DLGAP4: variants seen among roughly 807,000 people sequenced by gnomAD.
DLGAP4 encodes disks large-associated protein 4.
A neutral mutation model predicts 86.9 loss-of-function variants in DLGAP4; 18 were observed. That is an observed-to-expected ratio of 0.21 (90% CI 0.14 to 0.31). DLGAP4 has a LOEUF of 0.31. Among genes scored for constraint, DLGAP4 ranks in the 10% least tolerant of loss-of-function variants. DLGAP4 has a pLI of 1.00. For missense variants in DLGAP4, 1,085 were observed against 1,362.6 expected, an observed-to-expected ratio of 0.80 and a Z score of 3.21; for synonymous variants, 548 against 574.3, an observed-to-expected ratio of 0.95 and a Z score of 0.65.
At chr20:36,417,464 C>T (rs370139088) in intron 2 of DLGAP4, among the ~76,000 whole-genome samples, 1 of 152,146 alleles carries the variant, frequency 6.6e-6, no homozygotes, top group Admixed American at 6.6e-5. Flanking sequence ...TCACTGAAGC[C>T]TCAACCTCCC....
At chr20:36,465,656 G>A (rs543310406) in intron 7 of DLGAP4, among the ~76,000 whole-genome samples, 5 of 152,226 alleles carry the variant, frequency 3.3e-5, no homozygotes, top group African/African-American at 7.2e-5. Flanking sequence ...ACCACCTCCC[G>A]TGGCTTTCTC....
At chr20:36,406,544 G>T (rs2032328428) in intron 2 of DLGAP4, among the ~76,000 whole-genome samples, 1 of 152,170 alleles carries the variant, frequency 6.6e-6, no homozygotes, top group Admixed American at 6.5e-5. Context: ...TGGTCACAGG[G>T]CTGGGAAGGG....
chr20:36,473,425 G>A (rs1473494775), intron 7 of DLGAP4, among the ~76,000 whole-genome samples: 2 of 152,122 alleles, frequency 1.3e-5, no homozygotes, highest in Non-Finnish European at 2.9e-5. Flanking sequence ...TTCTATCTCT[G>A]CTATTAAGTT....
At chr20:36,342,874 G>A (rs182440530) in intron 1 of DLGAP4, among the ~76,000 whole-genome samples, 2 of 152,206 alleles carry the variant, frequency 1.3e-5, no homozygotes, top group East Asian at 3.9e-4. Context: ...ATTTGTGCTA[G>A]GCCCTGAGGC....
At chr20:36,418,818 T>G (rs4494819) in intron 2 of DLGAP4, among the ~76,000 whole-genome samples, 106,145 of 152,104 alleles carry the variant, frequency 0.7, 37,322 homozygotes, top group Admixed American at 0.77. Context: ...CCTGCTATCT[T>G]GTTGACCAAA....
In DLGAP4 at chr20:36,527,255, A is replaced by C; in HGVS notation, c.*224A>C. The C allele has an allele frequency of 2.2e-6, 1 of 461,276 alleles. No individual in the cohort carries two copies. The highest frequency in any genetic ancestry group is 3.8e-5 in the Admixed American group (1 of 26,024). The allele number at this position is 461,276 out of a possible 1,614,324, so 28.6% of individuals were successfully genotyped here. On this transcript the variant is annotated 3_prime_UTR_variant, in exon 13 of 13. Transcript: ENST00000339266. The stretch of plus-strand genomic sequence containing the variant: ...ACAAAAAAAATCAACAAAAATCACG[A>C]AACTAGAAAACTTTTTTTTTCCTCT...
chr20:36,498,509 T>C (rs985069453), intron 8 of DLGAP4: 2 of 152,356 alleles, frequency 1.3e-5, no homozygotes, highest in African/African-American at 4.8e-5. Flanking sequence ...ATAAGGACTC[T>C]CTTAGGCCTG....
intron 2 of DLGAP4, among the ~76,000 whole-genome samples, chr20:36,406,593 G>A (rs1016005373): frequency 6.6e-6 from 1 of 152,002 alleles, no homozygotes; most frequent in Admixed American, 6.6e-5. Context: ...GGGGCTGGCC[G>A]GTCAGTTGTT....
At chr20:36,346,400 G>T (rs1035525918) in intron 1 of DLGAP4, among the ~76,000 whole-genome samples, 1 of 152,212 alleles carries the variant, frequency 6.6e-6, no homozygotes. Flanking sequence ...AAGATGCTAG[G>T]CCCAGAGAGG....
At chr20:36,508,983 A>C (rs1447745760) in intron 10 of DLGAP4, among the ~76,000 whole-genome samples, 1 of 152,262 alleles carries the variant, frequency 6.6e-6, no homozygotes, top group African/African-American at 2.4e-5. Context: ...CTTACTTGGT[A>C]AGTGAAAAAT....
At chr20:36,416,424 A>G (rs919904906) in intron 2 of DLGAP4, among the ~76,000 whole-genome samples, 1 of 152,164 alleles carries the variant, frequency 6.6e-6, no homozygotes, top group South Asian at 2.1e-4. Context: ...CCCGGCCTAA[A>G]CCATGACATT....
intron 7 of DLGAP4, among the ~76,000 whole-genome samples, chr20:36,454,574 T>A (rs11906292): frequency 0.015 from 2,300 of 152,244 alleles, 63 homozygotes; most frequent in African/African-American, 0.053. Context: ...GTCTCCCTAC[T>A]GGGTCACCCC....
chr20:36,500,340 C>G lies in DLGAP4; in HGVS notation c.2241C>G (p.Ala747=). Residue 747 remains alanine, a synonymous_variant, in exon 10 of 13, where the codon GCC becomes GCG. Transcript: ENST00000339266. This position sits in a 1 kb window ranked among gnomAD's most constrained non-coding sequence, Gnocchi z 4.6. ...ACCCCAACTCCATCAGCATCGATGC[C>G]GGTCCCCGGCAGGCCCCCAAGATTG... ...TPHPNSISID[A]GPRQAPKIAQ... is the part of the protein sequence containing the mutation. 6.2e-7 allele frequency: 1 copy of G among 1,613,646 alleles called. No individual in the cohort carries two copies. Among genetic ancestry groups the G allele is most frequent in the South Asian group, 1.1e-5 (1 of 90,974 alleles).
intron 7 of DLGAP4, among the ~76,000 whole-genome samples, chr20:36,474,181 T>C (rs1455236786): frequency 6.6e-6 from 1 of 152,164 alleles, no homozygotes; most frequent in African/African-American, 2.4e-5. Context: ...AGCCAAAAAC[T>C]GTCCATGTCC....
At chr20:36,378,780 C>T (rs1469852073) in intron 2 of DLGAP4, among the ~76,000 whole-genome samples, 2 of 151,948 alleles carry the variant, frequency 1.3e-5, no homozygotes, top group Admixed American at 6.6e-5. Context: ...GTGCAGGAGA[C>T]GCTTGAGTGT....
chr20:36,383,154 T>C lies in DLGAP4; in HGVS notation c.-73+15879T>C, dbSNP rs144952194. Among the ~76,000 whole-genome samples, 120 of 152,286 alleles carry C rather than the reference T, an allele frequency of 7.9e-4. 1 individual carries two copies. Among genetic ancestry groups the C allele is most frequent in the Non-Finnish European group, 1.4e-3 (92 of 68,024 alleles). ...GCTTTAGAAGCACAGAGTTGCTGGC[T>C]CCGCTGGGGTCTCCACTGAACTGAA... On this transcript the variant is annotated intron_variant, in intron 2 of 12. Coordinates refer to ENST00000339266, the MANE Select transcript of DLGAP4 (RefSeq NM_001365621.2).
At chr20:36,395,012 TC>T (rs1182550428) in intron 2 of DLGAP4, among the ~76,000 whole-genome samples, 2 of 151,924 alleles carry the variant, frequency 1.3e-5, no homozygotes, top group African/African-American at 4.8e-5. Context: ...TCTTTTAGCC[TC>T]CCCGTCGTTC....
Position 36,525,860 on chromosome 20 carries a change from G to A in DLGAP4, c.2614G>A (p.Ala872Thr), listed in dbSNP as rs748587469. 5 of 1,613,380 alleles carry A rather than the reference G, an allele frequency of 3.1e-6. No individual in the cohort carries two copies. Among genetic ancestry groups the A allele is most frequent in the Non-Finnish European group, 4.2e-6 (5 of 1,179,968 alleles). The stretch of plus-strand genomic sequence containing the variant: ...CCCATCTGGCCCACAGAACCCTGAT[G>A]CCAACCCACGCCCCACAGCCCAGGA... The part of the protein sequence containing the change: ...GLCEQNLNPD[A>T]NPRPTAQDLA... The change falls in exon 12 of 13, where the codon GCC becomes ACC. Residue 872 changes from alanine to threonine, a missense_variant. This residue lies in a region of DLGAP4 where 1,082 missense variants were observed against 1,344.1 expected (regional missense o/e 0.81). Transcript: ENST00000339266.
intron 2 of DLGAP4, among the ~76,000 whole-genome samples, chr20:36,374,974 A>T (rs1459080907): frequency 6.6e-6 from 1 of 152,252 alleles, no homozygotes; most frequent in Non-Finnish European, 1.5e-5. Context: ...GGGCAGAGAG[A>T]GTCCCATTAC....
Sources: gnomAD v4.1 joint callset for allele counts (sites outside exome capture counted in the v4.1 genomes callset) on GRCh38, gnomAD v4.1.1 for gene constraint, gnomAD v4.1.1 regional missense constraint, Gnocchi (gnomAD v3.1) non-coding constraint, MANE v1.5 for transcripts, NCBI Gene and HGNC (gene_info 2026-07-23, HGNC 2026-07-21) for gene names.